Variants in EIF4E3 observed in about 807,000 individuals in gnomAD.
EIF4E3 encodes the protein eukaryotic translation initiation factor 4E type 3.
Under a neutral mutation model 31.7 loss-of-function variants are expected in EIF4E3, and 26 were observed. That is an observed-to-expected ratio of 0.82 (90% confidence interval 0.60 to 1.14). The LOEUF (loss-of-function observed/expected upper bound fraction) is 1.14. EIF4E3 is among the 50% of genes most tolerant of loss of function. EIF4E3 has a pLI of 0.00. For missense variants in EIF4E3, 304 were observed against 270.9 expected (o/e 1.12, Z -0.86); for synonymous variants, 128 against 107.7 (o/e 1.19, Z -1.17).
intron 2 of EIF4E3, among the ~76,000 whole-genome samples, chr3:71,703,193 C>G (rs2049242311): frequency 6.6e-6 from 1 of 152,182 alleles, no homozygotes; most frequent in South Asian, 2.1e-4. Context: ...CTGTGACCAT[C>G]AGTTGTGAAC....
chr3:71,722,058 G>A (rs2049558245), intron 1 of EIF4E3, among the ~76,000 whole-genome samples: 1 of 62,262 alleles, frequency 1.6e-5, no homozygotes, highest in Non-Finnish European at 2.9e-5. Flanking sequence ...GAGCTGCAAA[G>A]CTTTATGGTT....
In EIF4E3 at chr3:71,678,608, G is replaced by A. The variant is rs778826834; in HGVS notation, c.*6074C>T. ...AATAACTAGAACAGAAAAGTTTTCAGTCTGACCTTAAAAATACTGAGCAAA... is the reference window on the plus strand; with the variant it reads ...AATAACTAGAACAGAAAAGTTTTCAATCTGACCTTAAAAATACTGAGCAAA... On this transcript the variant is annotated 3_prime_UTR_variant, in exon 7 of 7. Coordinates refer to ENST00000425534, the MANE Select transcript of EIF4E3 (RefSeq NM_001134651.2). 1.3e-5 allele frequency: 2 copies of A among 152,140 alleles called. No individual in the cohort carries two copies. The highest frequency in any genetic ancestry group is 2.4e-5 in the African/African-American group (1 of 41,524). The allele number at this position is 152,140 out of a possible 1,614,324, so 9.4% of individuals were successfully genotyped here.
the EIF4E3 span, among the ~76,000 whole-genome samples, chr3:71,665,415 G>C: frequency 6.6e-6 from 1 of 152,142 alleles, no homozygotes; most frequent in East Asian, 1.9e-4. Flanking sequence ...AGAATCTAAT[G>C]GGCTGAGTGC....
chr3:71,745,277 G>A (rs764073562), intron 1 of EIF4E3, among the ~76,000 whole-genome samples: 12 of 152,140 alleles, frequency 7.9e-5, no homozygotes, highest in Admixed American at 3.3e-4. Context: ...TGTGTGGGAG[G>A]TGTATGTATA....
intron 1 of EIF4E3, among the ~76,000 whole-genome samples, chr3:71,716,832 T>G (rs998911755): frequency 6.6e-6 from 1 of 152,274 alleles, no homozygotes; most frequent in East Asian, 1.9e-4. Context: ...ATATTCAGCC[T>G]GGCACCCTCA....
intron 1 of EIF4E3, among the ~76,000 whole-genome samples, chr3:71,750,205 T>C (rs2049912810): frequency 6.6e-6 from 1 of 152,208 alleles, no homozygotes; most frequent in East Asian, 1.9e-4. Context: ...TTAACTTCCA[T>C]TTCCTTATAC....
the EIF4E3 span, among the ~76,000 whole-genome samples, chr3:71,665,331 G>C: frequency 6.6e-6 from 1 of 152,200 alleles, no homozygotes; most frequent in African/African-American, 2.4e-5. Flanking sequence ...AGCCCACAGT[G>C]ATCCCATGAA....
chr3:71,753,270 G>C (rs568499096), intron 1 of EIF4E3, among the ~76,000 whole-genome samples: 1 of 152,292 alleles, frequency 6.6e-6, no homozygotes, highest in South Asian at 2.1e-4. Context: ...ACATCAGTGC[G>C]CACCTGAGTA....
intron 2 of EIF4E3, among the ~76,000 whole-genome samples, chr3:71,708,831 G>A (rs762122188): frequency 1.3e-5 from 2 of 152,160 alleles, no homozygotes; most frequent in Non-Finnish European, 2.9e-5. Flanking sequence ...GACTCTTAGC[G>A]CGTTGATTTC....
At chr3:71,666,067 C>T in the EIF4E3 span, among the ~76,000 whole-genome samples, 1 of 152,110 alleles carries the variant, frequency 6.6e-6, no homozygotes, top group Non-Finnish European at 1.5e-5. Context: ...AATTCAGAAG[C>T]TAGCAGAAGA....
chr3:71,663,726 G>C, the EIF4E3 span, among the ~76,000 whole-genome samples: 1 of 152,244 alleles, frequency 6.6e-6, no homozygotes, highest in African/African-American at 2.4e-5. Context: ...GCCTGACTGT[G>C]GTTCGCCGCT....
At chr3:71,691,797 T>C (rs1248342764) in intron 5 of EIF4E3, among the ~76,000 whole-genome samples, 1 of 152,252 alleles carries the variant, frequency 6.6e-6, no homozygotes, top group Non-Finnish European at 1.5e-5. Context: ...TAGATACAGA[T>C]TCTTTACTTT....
chr3:71,670,329 G>A, the EIF4E3 span, among the ~76,000 whole-genome samples: 1 of 152,152 alleles, frequency 6.6e-6, no homozygotes, highest in Admixed American at 6.5e-5. Context: ...TAAGGTAGGT[G>A]CCTCTTCGCA....
At chr3:71,708,204 T>C (rs1261693060) in intron 2 of EIF4E3, among the ~76,000 whole-genome samples, 3 of 152,098 alleles carry the variant, frequency 2.0e-5, no homozygotes, top group East Asian at 3.8e-4. Flanking sequence ...TCAATATTCA[T>C]TGAGTGCAAA....
the EIF4E3 span, among the ~76,000 whole-genome samples, chr3:71,659,809 G>A: frequency 6.6e-6 from 1 of 152,206 alleles, no homozygotes; most frequent in Non-Finnish European, 1.5e-5. Flanking sequence ...ATAGTCACCT[G>A]GGGGCAGGAG....
At chr3:71,706,918 C>A (rs2049301439) in intron 2 of EIF4E3, among the ~76,000 whole-genome samples, 1 of 152,150 alleles carries the variant, frequency 6.6e-6, no homozygotes, top group African/African-American at 2.4e-5. Flanking sequence ...AGTATCCTGG[C>A]CAGTTCTTAA....
chr3:71,729,954 T>TA (rs1435833668), upstream of EIF4E3, among the ~76,000 whole-genome samples: 1 of 151,956 alleles, frequency 6.6e-6, no homozygotes, highest in Non-Finnish European at 1.5e-5. Flanking sequence ...ATACTATAAA[T>TA]ATGCAGGCCT....
Position 71,721,620 on chromosome 3 carries a change from T to C in EIF4E3, c.176+3572A>G, listed in dbSNP as rs1036549729. On this transcript the variant is annotated intron_variant, in intron 1 of 6. Coordinates refer to ENST00000425534, the MANE Select transcript of EIF4E3 (RefSeq NM_001134651.2). Reference sequence around the variant, plus strand: ...GTGAGTCTCATGAGATCTGATGATTTTATAAGTGTCTGGCATTTACCCTGC... The same window carrying C: ...GTGAGTCTCATGAGATCTGATGATTCTATAAGTGTCTGGCATTTACCCTGC... Among the ~76,000 whole-genome samples, 4 of 152,058 alleles carry C rather than the reference T, an allele frequency of 2.6e-5. No individual in the cohort carries two copies. The East Asian group carries it at 7.7e-4, about 29-fold the overall frequency.
chr3:71,708,816 T>C (rs546987257), intron 2 of EIF4E3, among the ~76,000 whole-genome samples: 1 of 152,278 alleles, frequency 6.6e-6, no homozygotes, highest in South Asian at 2.1e-4. Context: ...CAGGGAGGCC[T>C]CCCAGACTCT....
Sources: allele counts gnomAD v4.1 joint callset (sites outside exome capture counted in the v4.1 genomes callset), GRCh38; gene constraint gnomAD v4.1.1; transcripts MANE v1.5; gene names NCBI Gene and HGNC (gene_info 2026-07-23, HGNC 2026-07-21).